TBCD: variants seen among roughly 807,000 people sequenced by gnomAD.
The protein encoded by TBCD is tubulin-specific chaperone D.
A neutral mutation model predicts 169.3 loss-of-function variants in TBCD; 105 were observed. The ratio of observed to expected loss-of-function variants is 0.62; its 90% CI spans 0.53 to 0.73. The LOEUF is 0.73. Among genes scored for constraint, TBCD ranks in the 30% least tolerant of loss-of-function variants. The pLI is 0.00. For synonymous variants in TBCD, 700 were observed against 643.9 expected (o/e 1.09, Z -1.32); for missense variants, 1,444 against 1,600.1 (o/e 0.90, Z 1.66).
chr17:82,794,265 A>C (rs560430719), intron 7 of TBCD, among the ~76,000 whole-genome samples: 2 of 151,676 alleles, frequency 1.3e-5, no homozygotes, highest in Admixed American at 6.6e-5. Flanking sequence ...AGGGGGGGGA[A>C]GCTGGCTCGC....
At position 82,923,609 on chromosome 17, in the gene TBCD, C is replaced by T. The variant is rs571937985; in HGVS notation, c.2179-43C>T. Reference sequence around the variant, plus strand: ...CTCTGTCCCTGGCCGGGGGCTTCTCCGAGCAGAGCTGCTGTGCGCTCACCG... The same window carrying T: ...CTCTGTCCCTGGCCGGGGGCTTCTCTGAGCAGAGCTGCTGTGCGCTCACCG... On this transcript the variant is annotated intron_variant, in intron 25 of 38. Coordinates refer to ENST00000355528, the MANE Select transcript of TBCD (RefSeq NM_005993.5). This position sits in a 1 kb window ranked among gnomAD's most constrained non-coding sequence, Gnocchi z 4.6. The T allele has an allele frequency of 2.9e-5, 44 of 1,509,822 alleles. No homozygotes were observed. The highest frequency in any genetic ancestry group is 1.8e-4 in the South Asian group (15 of 82,666). The allele number at this position is 1,509,822 out of a possible 1,614,324, so 93.5% of individuals were successfully genotyped here.
At position 82,942,849 on chromosome 17, in the gene TBCD, G is replaced by T. The variant is rs1285626381; in HGVS notation, c.*386G>T. ...CTTGCCTGGTGCTGTCCCTGCTGTG[G>T]GAGACGTCTGGCCACAGGCAGTGCC... On this transcript the variant is annotated 3_prime_UTR_variant, in exon 39 of 39. Transcript: ENST00000355528. The T allele has an allele frequency of 3.2e-6, 1 of 314,736 alleles. No individual in the cohort carries two copies. The highest frequency in any genetic ancestry group is 4.4e-5 in the South Asian group (1 of 22,694). The allele number at this position is 314,736 out of a possible 1,614,324, so 19.5% of individuals were successfully genotyped here.
chr17:82,792,224 C>T (rs2049785449), intron 7 of TBCD, among the ~76,000 whole-genome samples: 1 of 151,990 alleles, frequency 6.6e-6, no homozygotes, highest in Admixed American at 6.6e-5. Context: ...AGGAGAATCG[C>T]TCGAACCCAG....
Position 82,930,755 on chromosome 17 carries a change from G to T in TBCD, c.3113+112G>T. On this transcript the variant is annotated intron_variant, in intron 33 of 38. Coordinates refer to ENST00000355528, the MANE Select transcript of TBCD (RefSeq NM_005993.5). This position sits in a 1 kb window ranked among gnomAD's most constrained non-coding sequence, Gnocchi z 5.2. ...GTCTGTCTGGGGTCTGAAGGGAGAAGCGAGACACACGCTGTACCAGTTGGT... is the reference window on the plus strand; with the variant it reads ...GTCTGTCTGGGGTCTGAAGGGAGAATCGAGACACACGCTGTACCAGTTGGT... The T allele has an allele frequency of 4.0e-6, 6 of 1,505,530 alleles. No homozygotes were observed. The highest frequency in any genetic ancestry group is 4.5e-6 in the Non-Finnish European group (5 of 1,109,516). 93.3% of individuals were successfully genotyped at this position (1,505,530 alleles called of 1,614,324 possible).
chr17:82,865,620 C>A, intron 13 of TBCD: 1 of 836,752 alleles, frequency 1.2e-6, no homozygotes, highest in Non-Finnish European at 1.4e-6. Flanking sequence ...CGGTCTGCAC[C>A]AGCTACATCT....
chr17:82,941,203 G>T (rs2147633415), intron 37 of TBCD, among the ~76,000 whole-genome samples, 196 bp from the exon 38 acceptor site: 1 of 152,380 alleles, frequency 6.6e-6, no homozygotes, highest in African/African-American at 2.4e-5. Flanking sequence ...TGCGATTCCG[G>T]AAAGGGCTCA....
chr17:82,866,650 G>T (rs192680367), intron 13 of TBCD, among the ~76,000 whole-genome samples: 24 of 152,356 alleles, frequency 1.6e-4, no homozygotes, highest in Admixed American at 1.3e-3. Context: ...AAGGAGGCTG[G>T]CTGGGCCCTT....
intron 14 of TBCD, among the ~76,000 whole-genome samples, chr17:82,882,489 G>C (rs1371767632): frequency 6.6e-6 from 1 of 152,182 alleles, no homozygotes; most frequent in African/African-American, 2.4e-5. Flanking sequence ...GTAGTTTGTA[G>C]GTCTCCTAGC....
chr17:82,926,799 G>A (rs534520348), intron 28 of TBCD: 28 of 521,308 alleles, frequency 5.4e-5, no homozygotes, highest in Admixed American at 4.1e-4. Context: ...CTCTGCACTC[G>A]TTGACAGACA....
At chr17:82,938,825 C>T (rs551218228) in intron 36 of TBCD, among the ~76,000 whole-genome samples, 8 of 99,006 alleles carry the variant, frequency 8.1e-5, no homozygotes, top group African/African-American at 2.2e-4. Context: ...GAGATTGCTT[C>T]CCTGGTGAAA....
chr17:82,865,165 C>T (rs183774887), intron 13 of TBCD, among the ~76,000 whole-genome samples: 1 of 151,142 alleles, frequency 6.6e-6, no homozygotes, highest in Non-Finnish European at 1.5e-5. Flanking sequence ...TCAACACTGG[C>T]GTTTTTTTTT....
chr17:82,807,194 C>T (rs897384645), intron 10 of TBCD, among the ~76,000 whole-genome samples: 5 of 152,252 alleles, frequency 3.3e-5, no homozygotes, highest in Admixed American at 3.3e-4. Context: ...AAAAGTTCAG[C>T]CTGCCGCCAA....
At chr17:82,756,015 C>T (rs2047383534) in intron 1 of TBCD, 150 bp from the exon 2 acceptor site, 3 of 698,290 alleles carry the variant, frequency 4.3e-6, no homozygotes, top group South Asian at 3.6e-5. Flanking sequence ...CCTGTGTGGC[C>T]TCCTTTAGTG....
rs749767131 is a variant in TBCD at position 82,870,291 on chromosome 17, C to T, written c.1386C>T (p.Asn462=). 29 of 1,613,472 alleles carry T rather than the reference C, an allele frequency of 1.8e-5. No homozygotes were observed. The highest frequency in any genetic ancestry group is 1.6e-4 in the Middle Eastern group (1 of 6,084). Residue 462 remains asparagine, a synonymous_variant, in exon 14 of 39, where the codon AAC becomes AAT. Transcript: ENST00000355528. The part of the protein sequence containing the change: ...EKRGACSVGT[N]VRDAACYVCW... ...GGGGTGCCTGCAGCGTGGGCACCAA[C>T]GTCAGGGACGCCGCCTGCTACGTGT...
At chr17:82,821,665 T>C (rs989648121) in intron 13 of TBCD, among the ~76,000 whole-genome samples, 2 of 152,294 alleles carry the variant, frequency 1.3e-5, no homozygotes, top group African/African-American at 4.8e-5. Context: ...TCACCCCATG[T>C]CTTATAAAGT....
intron 13 of TBCD, among the ~76,000 whole-genome samples, chr17:82,862,227 C>T (rs1415356465): frequency 6.6e-6 from 1 of 152,200 alleles, no homozygotes; most frequent in Non-Finnish European, 1.5e-5. Flanking sequence ...CGGCCAAAAC[C>T]TGAAGGTCTT....
At chr17:82,812,586 C>T (rs749808571) in intron 12 of TBCD, among the ~76,000 whole-genome samples, 1 of 152,176 alleles carries the variant, frequency 6.6e-6, no homozygotes, top group South Asian at 2.1e-4. Context: ...CGCTCTGTCG[C>T]CAGGCTGGAG....
intron 6 of TBCD, among the ~76,000 whole-genome samples, chr17:82,773,543 CCT>C (rs2048407475): frequency 6.6e-6 from 1 of 152,092 alleles, no homozygotes; most frequent in Admixed American, 6.5e-5. Flanking sequence ...TGTGATGGCC[CCT>C]GTCTCCCTAC....
intron 11 of TBCD, 22 bp downstream of exon 11, chr17:82,807,690 A>T: frequency 4.8e-6 from 7 of 1,453,228 alleles, no homozygotes; most frequent in Non-Finnish European, 6.4e-6. Flanking sequence ...TGGCCGCAGA[A>T]GCACCCCGGG....
Sources: allele counts gnomAD v4.1 joint callset (sites outside exome capture counted in the v4.1 genomes callset), GRCh38; gene constraint gnomAD v4.1.1; non-coding constraint Gnocchi (gnomAD v3.1); transcripts MANE v1.5; gene names NCBI Gene and HGNC (gene_info 2026-07-23, HGNC 2026-07-21).